The following RXRA variants were observed in gnomAD, a reference collection of about 807,000 sequenced individuals.
RXRA encodes the protein retinoic acid receptor RXR-alpha.
RXRA carries 5 observed loss-of-function variants against 44.5 expected under a neutral mutation model. The observed-to-expected ratio is 0.11, with a 90% CI of 0.06 to 0.24. The LOEUF is 0.24. Among genes scored for constraint, RXRA ranks in the 10% least tolerant of loss-of-function variants. The probability of loss-of-function intolerance (pLI) is 1.00; values close to 1 mark genes in which losing one functional copy is unlikely to be tolerated. For synonymous variants in RXRA, 291 were observed against 271.4 expected, an observed-to-expected ratio of 1.07 and a Z score of -0.71; for missense variants, 412 against 646.5, an observed-to-expected ratio of 0.64 and a Z score of 3.93.
rs1185821310 is a variant in RXRA, at chr9:134,359,263, T to TC, written c.28+32606dup. 2.0e-5 allele frequency among the ~76,000 whole-genome samples: 3 copies of TC among 151,986 alleles called. No individual in the cohort carries two copies. In the East Asian group the frequency reaches 5.8e-4, roughly 29 times the overall value. On this transcript the variant is annotated intron_variant, in intron 1 of 9. Transcript: ENST00000481739. ...GAGCCAGGGCCACCTGCCTTTGGGGTCCTCAGGCGTTGGCTGTGAGATGGG... is the reference window on the plus strand; with the variant it reads ...GAGCCAGGGCCACCTGCCTTTGGGGTCCCTCAGGCGTTGGCTGTGAGATGGG...
At chr9:134,367,552 G>T (rs1419271059) in intron 1 of RXRA, among the ~76,000 whole-genome samples, 4 of 152,262 alleles carry the variant, frequency 2.6e-5, no homozygotes, top group Admixed American at 2.0e-4. Context: ...AGCACTTGGA[G>T]ACAGGATGTG....
chr9:134,362,102 C>G (rs901708545), intron 1 of RXRA, among the ~76,000 whole-genome samples: 7 of 152,196 alleles, frequency 4.6e-5, no homozygotes, highest in Non-Finnish European at 8.8e-5. Flanking sequence ...TCTCCCTGGA[C>G]TGCCTGCTGG....
intron 1 of RXRA, among the ~76,000 whole-genome samples, chr9:134,336,694 T>C (rs1830011792): frequency 6.6e-6 from 1 of 152,196 alleles, no homozygotes; most frequent in East Asian, 1.9e-4. Flanking sequence ...TCTTTGTGGC[T>C]GCGGAGCCCA....
intron 1 of RXRA, among the ~76,000 whole-genome samples, chr9:134,334,494 G>A (rs550988934): frequency 8.5e-5 from 13 of 152,276 alleles, no homozygotes; most frequent in Non-Finnish European, 1.8e-4. Flanking sequence ...TTGGGCAGCA[G>A]TGTCATTGAC....
At chr9:134,435,847 G>A (rs543393002) in intron 9 of RXRA, among the ~76,000 whole-genome samples, 4 of 152,226 alleles carry the variant, frequency 2.6e-5, no homozygotes, top group South Asian at 2.1e-4. Context: ...ACTCACACCC[G>A]CTCCCGGCTG....
At chr9:134,424,457 A>T (rs763503319) in intron 6 of RXRA, 50 of 985,238 alleles carry the variant, frequency 5.1e-5, no homozygotes, top group Admixed American at 6.1e-5. Flanking sequence ...GGCCCTGCTC[A>T]TGCATGCTTC....
intron 5 of RXRA, among the ~76,000 whole-genome samples, chr9:134,418,369 C>A (rs1831274578): frequency 6.6e-6 from 1 of 152,198 alleles, no homozygotes; most frequent in Admixed American, 6.5e-5. Context: ...ACCATGGTGT[C>A]CAGTCTTCAT....
intron 1 of RXRA, among the ~76,000 whole-genome samples, chr9:134,373,501 C>T (rs767696964): frequency 7.9e-4 from 120 of 152,364 alleles, no homozygotes; most frequent in Admixed American, 7.4e-3. Context: ...TTGTGTGCTG[C>T]GGTCCTTGGC....
At chr9:134,378,205 G>A (rs1252460419) in intron 1 of RXRA, among the ~76,000 whole-genome samples, 4 of 152,262 alleles carry the variant, frequency 2.6e-5, no homozygotes, top group African/African-American at 4.8e-5. Flanking sequence ...AGGCCACCCC[G>A]GCTGCTTCCT....
intron 1 of RXRA, among the ~76,000 whole-genome samples, chr9:134,401,023 C>G (rs34488070): frequency 6.6e-6 from 1 of 152,326 alleles, no homozygotes; most frequent in East Asian, 1.9e-4. Context: ...GGTCAGCAGG[C>G]GCCGCCAGTC....
chr9:134,437,979 TC>T lies in RXRA; in HGVS notation c.*1367del, dbSNP rs897493910. 2 of 152,358 alleles carry T rather than the reference TC, an allele frequency of 1.3e-5. No individual in the cohort carries two copies. Among genetic ancestry groups the T allele is most frequent in the Non-Finnish European group, 2.9e-5 (2 of 68,146 alleles). The allele number at this position is 152,358 out of a possible 1,614,324, so 9.4% of individuals were successfully genotyped here. A position where few individuals can be genotyped will look rare whatever the true frequency, so the allele number is the denominator to read the frequency against. Reference sequence around the variant, plus strand: ...GGCTCAGCCCAGTGCGGCCTGGCGCTCCTCCCGCAGGCTCTGCCCCCGGGCT... The same window carrying T: ...GGCTCAGCCCAGTGCGGCCTGGCGCTCTCCCGCAGGCTCTGCCCCCGGGCT... On this transcript the variant is annotated 3_prime_UTR_variant, in exon 10 of 10. Coordinates refer to ENST00000481739, the MANE Select transcript of RXRA (RefSeq NM_002957.6).
rs148028592 is a variant in RXRA, at chr9:134,337,845, C to T, written c.28+11186C>T. 1.1e-3 allele frequency among the ~76,000 whole-genome samples: 175 copies of T among 152,210 alleles called. 1 individual carries two copies. In the East Asian group the frequency reaches 0.019, roughly 16 times the overall value. On this transcript the variant is annotated intron_variant, in intron 1 of 9. Coordinates refer to ENST00000481739, the MANE Select transcript of RXRA (RefSeq NM_002957.6). ...GACTCTTGGATGTCCTCGGAGCAGA[C>T]GTAGAATGCAAAACTTGAACCTCTC...
chr9:134,436,347 C>T (rs1394408968), intron 9 of RXRA, 120 bp from the exon 10 acceptor site: 5 of 1,005,122 alleles, frequency 5.0e-6, no homozygotes, highest in Non-Finnish European at 7.4e-6. Context: ...TTCAGGGCTA[C>T]AGACCAGCCT....
chr9:134,408,047 G>A (rs997453009), intron 2 of RXRA, 102 bp from the exon 3 acceptor site: 6 of 877,808 alleles, frequency 6.8e-6, no homozygotes, highest in Non-Finnish European at 1.0e-5. Context: ...GTCTGTGTGT[G>A]AAGTTGGGGG....
rs1400059019 is a variant in RXRA at position 134,342,645 on chromosome 9, C to A, written c.28+15986C>A. ...GGCAGGTGGTGGGGCTGCGGGGCTG[C>A]GGGAGGAGGCCCCTGTGGTTCCCAC... On this transcript the variant is annotated intron_variant, in intron 1 of 9. Transcript: ENST00000481739. The surrounding 1 kb of genome is among the most constrained non-coding windows in gnomAD (Gnocchi z 4.4). 6.6e-6 allele frequency among the ~76,000 whole-genome samples: 1 copy of A among 152,022 alleles called. No individual in the cohort carries two copies. The highest frequency in any genetic ancestry group is 1.5e-5 in the Non-Finnish European group (1 of 67,974).
intron 1 of RXRA, among the ~76,000 whole-genome samples, chr9:134,395,525 G>T (rs1232875076): frequency 1.3e-5 from 2 of 152,236 alleles, no homozygotes; most frequent in Admixed American, 6.5e-5. Context: ...GCGGGCTGCA[G>T]TGAAGGAGAT....
chr9:134,358,934 C>T (rs1474722586), intron 1 of RXRA, among the ~76,000 whole-genome samples: 1 of 152,172 alleles, frequency 6.6e-6, no homozygotes, highest in Non-Finnish European at 1.5e-5. Flanking sequence ...GCCAACAGCC[C>T]CACGTGGCAG....
intron 1 of RXRA, among the ~76,000 whole-genome samples, chr9:134,354,757 A>G (rs781863502): frequency 5.9e-5 from 9 of 152,312 alleles, no homozygotes; most frequent in Admixed American, 2.0e-4. Context: ...GAAGTCTCAG[A>G]TCTGGGCCAA....
chr9:134,360,611 C>T (rs1451363461), intron 1 of RXRA, among the ~76,000 whole-genome samples: 2 of 152,266 alleles, frequency 1.3e-5, no homozygotes, highest in African/African-American at 4.8e-5. Context: ...CTGCGGGAGG[C>T]TCTTTTGAAA....
Sources: gnomAD v4.1 joint callset for allele counts (sites outside exome capture counted in the v4.1 genomes callset) on GRCh38, gnomAD v4.1.1 for gene constraint, Gnocchi (gnomAD v3.1) non-coding constraint, MANE v1.5 for transcripts, NCBI Gene and HGNC (gene_info 2026-07-23, HGNC 2026-07-21) for gene names.